PXDC1: variants seen among roughly 807,000 people sequenced by gnomAD.
The protein encoded by PXDC1 is PX domain-containing protein 1.
In PXDC1, 13 loss-of-function variants were observed where a neutral mutation model predicts 24.4. The ratio of observed to expected loss-of-function variants is 0.53; its 90% CI spans 0.35 to 0.85. The LOEUF is 0.85. PXDC1 is among the 40% of genes least tolerant of loss of function. PXDC1 has a pLI of 0.01. For missense variants in PXDC1, 344 were observed against 309.3 expected (o/e 1.11, Z -0.84); for synonymous variants, 162 against 124.9 (o/e 1.30, Z -1.98).
At chr6:3,729,621 G>A (rs757613462) in intron 3 of PXDC1, among the ~76,000 whole-genome samples, 2 of 152,200 alleles carry the variant, frequency 1.3e-5, no homozygotes, top group East Asian at 1.9e-4. Flanking sequence ...CTGAACAGGC[G>A]GACTGTGAAA....
At chr6:3,750,870 C>G (rs1256637759) in intron 1 of PXDC1, among the ~76,000 whole-genome samples, 1 of 152,140 alleles carries the variant, frequency 6.6e-6, no homozygotes, top group East Asian at 1.9e-4. Context: ...TAACTGCTCC[C>G]AGACGCTTTC....
At position 3,723,078 on chromosome 6, in the gene PXDC1, AAAG is replaced by A. The variant is rs1293011507; in HGVS notation, c.*538_*540del. 3 of 152,602 alleles carry A rather than the reference AAAG, an allele frequency of 2.0e-5. No individual in the cohort carries two copies. The highest frequency in any genetic ancestry group is 7.2e-5 in the African/African-American group (3 of 41,400). 9.5% of individuals were successfully genotyped at this position (152,602 alleles called of 1,614,324 possible). ...AACCCAGTTTCCAGATAAAAGATAA[AAAG>A]AAAAAAAAAAAGGCCACATATCCCA... On this transcript the variant is annotated 3_prime_UTR_variant, in exon 5 of 5. Transcript: ENST00000380283.
At chr6:3,733,432 G>A (rs1430968804) in intron 3 of PXDC1, among the ~76,000 whole-genome samples, 4 of 152,216 alleles carry the variant, frequency 2.6e-5, no homozygotes, top group African/African-American at 4.8e-5. Context: ...ATCTGCCATG[G>A]TGTGCGTGGG....
intron 1 of PXDC1, among the ~76,000 whole-genome samples, chr6:3,747,242 C>T (rs983804717): frequency 2.6e-5 from 4 of 152,102 alleles, no homozygotes; most frequent in African/African-American, 4.8e-5. Context: ...CACTACTCCA[C>T]ACCCCATGTC....
intron 1 of PXDC1, chr6:3,738,703 G>T: frequency 9.0e-7 from 1 of 1,107,228 alleles, no homozygotes; most frequent in Non-Finnish European, 1.2e-6. Context: ...CACGACTCAT[G>T]CCACTTTCCA....
intron 1 of PXDC1, among the ~76,000 whole-genome samples, chr6:3,745,016 G>C (rs528771582): frequency 2.0e-5 from 3 of 152,334 alleles, no homozygotes; most frequent in African/African-American, 7.2e-5. Context: ...CTTAGGATCA[G>C]GCCTAGATCT....
rs577773623 is a variant in PXDC1, at chr6:3,725,021, G to T, written c.579-1285C>A. ...GCAACACGAGGCTGGGACAGAGGCC[G>T]CGGCACAAAGAGCCCTAGCTGTGGG... On this transcript the variant is annotated intron_variant, in intron 4 of 4. Coordinates refer to ENST00000380283, the MANE Select transcript of PXDC1 (RefSeq NM_183373.4). This position sits in a 1 kb window ranked among gnomAD's most constrained non-coding sequence, Gnocchi z 4.8. 6.6e-6 allele frequency among the ~76,000 whole-genome samples: 1 copy of T among 152,136 alleles called. No homozygotes were observed. The highest frequency in any genetic ancestry group is 1.5e-5 in the Non-Finnish European group (1 of 68,022).
intron 3 of PXDC1, among the ~76,000 whole-genome samples, chr6:3,734,570 C>T (rs1760273046): frequency 6.6e-6 from 1 of 152,090 alleles, no homozygotes; most frequent in African/African-American, 2.4e-5. Context: ...CATAGACACC[C>T]AGCCAGGAAA....
At position 3,751,585 on chromosome 6, in the gene PXDC1, C is replaced by A; in HGVS notation, c.-54G>T. On this transcript the variant is annotated 5_prime_UTR_variant, in exon 1 of 5. Transcript: ENST00000380283. ...CCCAGCCCCGCCGCCCGCCCGCCCGCAGGAGGCGCGCCCCGGCCGGGGTCG... is the reference window on the plus strand; with the variant it reads ...CCCAGCCCCGCCGCCCGCCCGCCCGAAGGAGGCGCGCCCCGGCCGGGGTCG... 6.9e-7 allele frequency: 1 copy of A among 1,444,188 alleles called. No individual in the cohort carries two copies. Among genetic ancestry groups the A allele is most frequent in the Non-Finnish European group, 9.1e-7 (1 of 1,103,350 alleles). The allele number at this position is 1,444,188 out of a possible 1,614,324, so 89.5% of individuals were successfully genotyped here.
chr6:3,749,102 G>A (rs1352895169), intron 1 of PXDC1, among the ~76,000 whole-genome samples: 1 of 152,110 alleles, frequency 6.6e-6, no homozygotes, highest in Non-Finnish European at 1.5e-5. Flanking sequence ...AGGTGGTGCT[G>A]GGCAGGGACC....
intron 1 of PXDC1, among the ~76,000 whole-genome samples, chr6:3,748,487 G>C (rs111693799): frequency 0.033 from 5,030 of 152,162 alleles, 294 homozygotes; most frequent in African/African-American, 0.12. Context: ...CCCAGGCAGG[G>C]ATTGACATAT....
chr6:3,725,861 C>A lies in PXDC1; in HGVS notation c.578+1690G>T, dbSNP rs1315662638. ...CAGATGCTCCCGAGCCCCATGGCGG[C>A]AGGCGTTTCTTTGTTAGGCTTTTCT... On this transcript the variant is annotated intron_variant, in intron 4 of 4. Transcript: ENST00000380283. This position sits in a 1 kb window ranked among gnomAD's most constrained non-coding sequence, Gnocchi z 4.8. 6.6e-6 allele frequency among the ~76,000 whole-genome samples: 1 copy of A among 152,230 alleles called. No individual in the cohort carries two copies. The highest frequency in any genetic ancestry group is 1.5e-5 in the Non-Finnish European group (1 of 68,032).
intron 3 of PXDC1, among the ~76,000 whole-genome samples, chr6:3,736,766 T>C (rs556186117): frequency 2.0e-5 from 3 of 152,368 alleles, no homozygotes; most frequent in Non-Finnish European, 2.9e-5. Flanking sequence ...TTCAGCAGGC[T>C]GAACAGTGGA....
In PXDC1 at chr6:3,726,967, C is replaced by T. The variant is rs75105110; in HGVS notation, c.578+584G>A. On this transcript the variant is annotated intron_variant, in intron 4 of 4. Coordinates refer to ENST00000380283, the MANE Select transcript of PXDC1 (RefSeq NM_183373.4). ...GTCTGGATTTGGCTGTGTCAGGAAA[C>T]AGAGGCCAAGCTGTCTGGGGACCCT... Among the ~76,000 whole-genome samples, 343 of 152,336 alleles carry T rather than the reference C, an allele frequency of 2.3e-3. 4 individuals are homozygous for T. Among genetic ancestry groups the T allele is most frequent in the East Asian group, 0.022 (113 of 5,174 alleles).
intron 3 of PXDC1, among the ~76,000 whole-genome samples, chr6:3,733,092 A>C (rs1192197236): frequency 6.6e-6 from 1 of 152,222 alleles, no homozygotes; most frequent in Non-Finnish European, 1.5e-5. Context: ...CAGAATGACC[A>C]AGAACTTGGG....
chr6:3,751,182 A>G, intron 1 of PXDC1, 94 bp downstream of exon 1: 2 of 977,210 alleles, frequency 2.0e-6, no homozygotes, highest in South Asian at 3.8e-5. Flanking sequence ...AGAAAGGAGA[A>G]GTCGCAATCT....
At chr6:3,745,213 C>G (rs1226397921) in intron 1 of PXDC1, among the ~76,000 whole-genome samples, 1 of 152,222 alleles carries the variant, frequency 6.6e-6, no homozygotes, top group Non-Finnish European at 1.5e-5. Context: ...GGGCCACACC[C>G]AGAAGAGGGC....
In PXDC1 at chr6:3,751,582, C is replaced by G; in HGVS notation, c.-51G>C. 1 of 1,448,054 alleles carries G rather than the reference C, an allele frequency of 6.9e-7. No individual in the cohort carries two copies. Among genetic ancestry groups the G allele is most frequent in the Non-Finnish European group, 9.0e-7 (1 of 1,105,004 alleles). 89.7% of individuals were successfully genotyped at this position (1,448,054 alleles called of 1,614,324 possible). On this transcript the variant is annotated 5_prime_UTR_variant, in exon 1 of 5. Transcript: ENST00000380283. ...CTCCCCAGCCCCGCCGCCCGCCCGCCCGCAGGAGGCGCGCCCCGGCCGGGG... is the reference window on the plus strand; with the variant it reads ...CTCCCCAGCCCCGCCGCCCGCCCGCGCGCAGGAGGCGCGCCCCGGCCGGGG...
chr6:3,735,547 A>T (rs1425757659), intron 3 of PXDC1, among the ~76,000 whole-genome samples: 1 of 152,230 alleles, frequency 6.6e-6, no homozygotes, highest in African/African-American at 2.4e-5. Flanking sequence ...CCATATTTGG[A>T]ACCTAGAGAA....
Sources: gnomAD v4.1 joint callset for allele counts (sites outside exome capture counted in the v4.1 genomes callset) on GRCh38, gnomAD v4.1.1 for gene constraint, Gnocchi (gnomAD v3.1) non-coding constraint, MANE v1.5 for transcripts, NCBI Gene and HGNC (gene_info 2026-07-23, HGNC 2026-07-21) for gene names.